Variants in FRMD6 observed in about 807,000 individuals in gnomAD.
FRMD6 encodes FERM domain containing 6.
A neutral mutation model predicts 73.2 loss-of-function variants in FRMD6; 37 were observed. The observed-to-expected ratio is 0.51, with a 90% CI of 0.39 to 0.66. The LOEUF (loss-of-function observed/expected upper bound fraction) is 0.66, where lower values mean the gene tolerates loss of function less well. FRMD6 is among the 30% of genes least tolerant of loss of function. The pLI is 0.00. For missense variants in FRMD6, 714 were observed against 780.5 expected, an observed-to-expected ratio of 0.91 and a Z score of 1.02; for synonymous variants, 273 against 282.2, an observed-to-expected ratio of 0.97 and a Z score of 0.33.
chr14:51,460,720 G>A, the FRMD6 span, among the ~76,000 whole-genome samples: 13 of 152,292 alleles, frequency 8.5e-5, no homozygotes, highest in African/African-American at 2.4e-4. Flanking sequence ...TATGTTTCCT[G>A]TACATGTTCT....
At chr14:51,515,818 G>A (rs553850152) in intron 1 of FRMD6, among the ~76,000 whole-genome samples, 20 of 152,116 alleles carry the variant, frequency 1.3e-4, no homozygotes, top group African/African-American at 1.9e-4. Context: ...TCATTAACTC[G>A]GAGTACAATC....
upstream of FRMD6, among the ~76,000 whole-genome samples, chr14:51,647,911 C>T (rs1193102525): frequency 1.3e-5 from 2 of 152,102 alleles, no homozygotes; most frequent in African/African-American, 4.8e-5. Flanking sequence ...CTGCAACCTC[C>T]GCCTCCCAGG....
chr14:51,586,430 T>C (rs1353217064), intron 2 of FRMD6, among the ~76,000 whole-genome samples: 1 of 152,172 alleles, frequency 6.6e-6, no homozygotes, highest in Non-Finnish European at 1.5e-5. Context: ...TTAAAGGGGT[T>C]GTTTTTCTTC....
the FRMD6 span, among the ~76,000 whole-genome samples, chr14:51,405,930 T>C: frequency 6.6e-6 from 1 of 152,218 alleles, no homozygotes; most frequent in African/African-American, 2.4e-5. Flanking sequence ...CAGGATGGTA[T>C]TGCCTAGGTT....
the FRMD6 span, among the ~76,000 whole-genome samples, chr14:51,454,151 A>G: frequency 6.6e-6 from 1 of 152,174 alleles, no homozygotes; most frequent in Admixed American, 6.5e-5. Flanking sequence ...GCACAGGGAA[A>G]TGCCATGGCA....
chr14:51,474,585 T>A, the FRMD6 span, among the ~76,000 whole-genome samples: 88 of 152,248 alleles, frequency 5.8e-4, no homozygotes, highest in African/African-American at 2.0e-3. Flanking sequence ...TTCTCCCAGG[T>A]AGAAGACAGC....
chr14:51,585,329 C>A (rs77009787), intron 2 of FRMD6, among the ~76,000 whole-genome samples: 1 of 152,122 alleles, frequency 6.6e-6, no homozygotes, highest in Non-Finnish European at 1.5e-5. Context: ...TTTGTCCCAG[C>A]GGAGGGAGGG....
chr14:51,594,551 A>G (rs1288527297), intron 2 of FRMD6, among the ~76,000 whole-genome samples: 1 of 149,396 alleles, frequency 6.7e-6, no homozygotes, highest in African/African-American at 2.5e-5. Context: ...CTGGTCTCGA[A>G]CTCCCGACCT....
chr14:51,708,432 C>G, intron 7 of FRMD6, 199 bp downstream of exon 7: 1 of 514,496 alleles, frequency 1.9e-6, no homozygotes, highest in Non-Finnish European at 3.4e-6. Context: ...GGCCTGGAAG[C>G]GGGGTGGAGT....
intron 1 of FRMD6, 123 bp from the exon 2 acceptor site, chr14:51,689,568 G>A (rs762758082): frequency 2.4e-6 from 1 of 421,494 alleles, no homozygotes; most frequent in Non-Finnish European, 4.3e-6. Context: ...ATAAGGTGGT[G>A]CTGGCTGGAG....
chr14:51,691,198 T>C (rs1895538483), intron 2 of FRMD6, among the ~76,000 whole-genome samples: 1 of 152,246 alleles, frequency 6.6e-6, no homozygotes. Context: ...TAATTCTTTC[T>C]TTTACATTGT....
chr14:51,460,045 T>C, the FRMD6 span, among the ~76,000 whole-genome samples: 97,089 of 151,666 alleles, frequency 0.64, 31,376 homozygotes, highest in East Asian at 0.85. Context: ...TCACTTGATA[T>C]CATATCATGA....
chr14:51,628,882 T>C (rs528330616), intron 2 of FRMD6, among the ~76,000 whole-genome samples: 45 of 142,958 alleles, frequency 3.1e-4, no homozygotes, highest in South Asian at 1.6e-3. Context: ...CTTTTCTTTT[T>C]TTTTTTTTTT....
chr14:51,409,364 C>A, the FRMD6 span, among the ~76,000 whole-genome samples: 1 of 106,286 alleles, frequency 9.4e-6, no homozygotes. Context: ...TTTTTTTTGC[C>A]TCAGAGAATG....
At chr14:51,448,479 T>C in the FRMD6 span, among the ~76,000 whole-genome samples, 2 of 152,190 alleles carry the variant, frequency 1.3e-5, no homozygotes, top group Non-Finnish European at 2.9e-5. Flanking sequence ...CGGTGATAAA[T>C]AGTGTTTGCT....
At chr14:51,430,307 T>G in the FRMD6 span, among the ~76,000 whole-genome samples, 1 of 152,178 alleles carries the variant, frequency 6.6e-6, no homozygotes, top group East Asian at 1.9e-4. Flanking sequence ...GAAACCATAC[T>G]CCATCCTAAG....
chr14:51,498,316 A>G (rs1476561143), intron 1 of FRMD6, among the ~76,000 whole-genome samples: 2 of 152,220 alleles, frequency 1.3e-5, no homozygotes, highest in Non-Finnish European at 2.9e-5. Flanking sequence ...GACTCCAGAA[A>G]TAATTTCCTC....
chr14:51,602,905 A>G (rs1357784661), intron 2 of FRMD6, among the ~76,000 whole-genome samples: 2 of 152,248 alleles, frequency 1.3e-5, no homozygotes, highest in Non-Finnish European at 2.9e-5. Flanking sequence ...AAATTATGGT[A>G]TAGCTATACA....
At chr14:51,512,673 A>G (rs1294753051) in intron 1 of FRMD6, among the ~76,000 whole-genome samples, 1 of 152,124 alleles carries the variant, frequency 6.6e-6, no homozygotes, top group Non-Finnish European at 1.5e-5. Flanking sequence ...CACAGCACAA[A>G]TCGGTGGGTT....
Sources: gnomAD v4.1 joint callset for allele counts (sites outside exome capture counted in the v4.1 genomes callset) on GRCh38, gnomAD v4.1.1 for gene constraint, MANE v1.5 for transcripts, NCBI Gene and HGNC (gene_info 2026-07-23, HGNC 2026-07-21) for gene names.